PSME4: variants seen among roughly 807,000 people sequenced by gnomAD.
PSME4 encodes proteasome activator complex subunit 4.
In PSME4, 89 loss-of-function variants were observed where a neutral mutation model predicts 253.9. That is an observed-to-expected ratio of 0.35 (90% CI 0.30 to 0.42). The LOEUF is 0.42. Among genes scored for constraint, PSME4 ranks in the 10% least tolerant of loss-of-function variants. The pLI, the probability that PSME4 is intolerant of heterozygous loss-of-function variation, is 1.00. For synonymous variants in PSME4, 851 were observed against 759.2 expected (o/e 1.12, Z -1.99); for missense variants, 2,014 against 2,195.2 (o/e 0.92, Z 1.65).
At chr2:53,911,559 C>T (rs1251138869) in intron 20 of PSME4, among the ~76,000 whole-genome samples, 1 of 152,014 alleles carries the variant, frequency 6.6e-6, no homozygotes, top group African/African-American at 2.4e-5. Context: ...TCAAGAGTAA[C>T]AAGAATAAAG....
intron 1 of PSME4, among the ~76,000 whole-genome samples, chr2:53,958,833 A>G (rs1247256463): frequency 1.3e-5 from 2 of 151,756 alleles, no homozygotes; most frequent in Admixed American, 6.6e-5. Context: ...AAAAAAAAAA[A>G]GTCAGGAGCC....
intron 22 of PSME4, 98 bp downstream of exon 22, chr2:53,908,686 G>C (rs1375596411): frequency 7.0e-7 from 1 of 1,434,322 alleles, no homozygotes; most frequent in African/African-American, 1.4e-5. Flanking sequence ...TCACCATTTA[G>C]AATAAAAAAC....
Position 53,888,713 on chromosome 2 carries a change from A to C in PSME4, c.4388+8T>G. ...TGTTAACCTCATAGGTTTTTTAAAA[A>C]AATTTACCATGCATCTACAAAGGAT... On this transcript the variant is annotated splice_region_variant and intron_variant, in intron 38 of 46. Coordinates refer to ENST00000404125, the MANE Select transcript of PSME4 (RefSeq NM_014614.3). The C allele has an allele frequency of 1.9e-6, 3 of 1,597,818 alleles. No homozygotes were observed. The highest frequency in any genetic ancestry group is 2.2e-5 in the East Asian group (1 of 44,744).
intron 28 of PSME4, 93 bp downstream of exon 28, chr2:53,901,257 T>C (rs888845071): frequency 9.3e-6 from 11 of 1,176,758 alleles, no homozygotes; most frequent in Non-Finnish European, 1.3e-5. Context: ...ATGCCAAGAA[T>C]ATTATTACTG....
chr2:53,908,632 T>TAAA, intron 22 of PSME4, 67 bp from the exon 23 acceptor site: 1 of 1,522,248 alleles, frequency 6.6e-7, no homozygotes, highest in Non-Finnish European at 8.9e-7. Flanking sequence ...TCTTGAGGCA[T>TAAA]TAGTCAAGAA....
chr2:53,913,377 A>C (rs892856079), intron 20 of PSME4, among the ~76,000 whole-genome samples: 1 of 152,214 alleles, frequency 6.6e-6, no homozygotes, highest in African/African-American at 2.4e-5. Context: ...GATGCTGAAA[A>C]AGAAATAACT....
chr2:53,954,711 G>A (rs1670153816), intron 1 of PSME4, among the ~76,000 whole-genome samples: 1 of 151,818 alleles, frequency 6.6e-6, no homozygotes, highest in Non-Finnish European at 1.5e-5. Flanking sequence ...CGTAGTGGCA[G>A]GCGTCTGTAG....
intron 18 of PSME4, 97 bp from the exon 19 acceptor site, chr2:53,920,447 A>G (rs901771371): frequency 5.7e-6 from 7 of 1,224,746 alleles, no homozygotes; most frequent in Non-Finnish European, 7.8e-6. Flanking sequence ...TTAAAAGAAA[A>G]TGTACACATA....
At chr2:53,914,341 C>T (rs2104445994) in intron 20 of PSME4, among the ~76,000 whole-genome samples, 1 of 152,314 alleles carries the variant, frequency 6.6e-6, no homozygotes, top group African/African-American at 2.4e-5. Context: ...CCAACTTCCA[C>T]ATCTATAAAG....
At chr2:53,894,967 A>C in intron 34 of PSME4, 40 bp downstream of exon 34, 1 of 1,548,176 alleles carries the variant, frequency 6.5e-7, no homozygotes, top group Non-Finnish European at 8.8e-7. Context: ...AGTGGCCCAA[A>C]ACAAGATGCA....
intron 3 of PSME4, among the ~76,000 whole-genome samples, chr2:53,946,515 A>G (rs1355109595): frequency 6.6e-6 from 1 of 152,226 alleles, no homozygotes; most frequent in East Asian, 1.9e-4. Flanking sequence ...CAGTCAAACC[A>G]GTATAGGTCA....
chr2:53,921,451 T>C (rs1048526952), intron 17 of PSME4, among the ~76,000 whole-genome samples: 2 of 151,298 alleles, frequency 1.3e-5, no homozygotes, highest in African/African-American at 4.8e-5. Context: ...TTCACCATGT[T>C]GGCCAGGATG....
At chr2:53,939,746 C>T (rs1669297475) in intron 4 of PSME4, among the ~76,000 whole-genome samples, 1 of 152,148 alleles carries the variant, frequency 6.6e-6, no homozygotes, top group Non-Finnish European at 1.5e-5. Flanking sequence ...GGTATTCTTA[C>T]TTTACAATGG....
intron 41 of PSME4, 68 bp downstream of exon 41, chr2:53,885,622 A>G: frequency 8.6e-7 from 1 of 1,165,652 alleles, no homozygotes; most frequent in East Asian, 2.4e-5. Flanking sequence ...TTCAACCATC[A>G]GATGATGAAC....
rs199588790 is a variant in PSME4 at position 53,923,075 on chromosome 2, C to T, written c.1952G>A (p.Cys651Tyr). ...ESLKLFVPHC[C>Y]SVITQLTMND... ...CATTGTAAGCTGAGTTATAACACTG[C>T]AGCAGTGGGGAACAAAGAGCTTCAA... The change falls in exon 16 of 47, where the codon TGC (cysteine) becomes TAC (tyrosine). Residue 651 changes from cysteine (C) to tyrosine (Y), a missense_variant. Transcript: ENST00000404125. 11 of 1,605,702 alleles carry T rather than the reference C, an allele frequency of 6.9e-6. No homozygotes were observed. In the African/African-American group the frequency reaches 1.3e-4, roughly 20 times the overall value.
rs530642038 is a variant in PSME4 at position 53,930,030 on chromosome 2, T to TAATA, written c.1317-1731_1317-1728dup. Reference sequence around the variant, plus strand: ...AAGAGTCTGTCTCTAAATAAATAAATAATAAATAAATAAATAAATAAATAA... The same window carrying TAATA: ...AAGAGTCTGTCTCTAAATAAATAAATAATAAATAAATAAATAAATAAATAAATAA... On this transcript the variant is annotated intron_variant, in intron 10 of 46. Transcript: ENST00000404125. Among the ~76,000 whole-genome samples the TAATA allele has an allele frequency of 8.9e-3, 1,337 of 151,072 alleles. 9 individuals carry two copies. Among genetic ancestry groups the TAATA allele is most frequent in the Non-Finnish European group, 0.013 (851 of 67,750 alleles).
rs1237684523 is a variant in PSME4 at position 53,908,295 on chromosome 2, CAGACTTTT to C, written c.2784+17_2784+24del. On this transcript the variant is annotated intron_variant, in intron 24 of 46. Transcript: ENST00000404125. ...TTATACGACTTTAAAACAATTAGTGCAGACTTTTAGGTGAAAATACTGACCCGATTTTC... is the reference window on the plus strand; with the variant it reads ...TTATACGACTTTAAAACAATTAGTGCAGGTGAAAATACTGACCCGATTTTC... 6.4e-7 allele frequency: 1 copy of C among 1,558,746 alleles called. No individual in the cohort carries two copies. Among genetic ancestry groups the C allele is most frequent in the African/African-American group, 1.4e-5 (1 of 73,676 alleles).
chr2:53,914,726 C>T (rs148293710), intron 20 of PSME4, among the ~76,000 whole-genome samples: 75 of 152,124 alleles, frequency 4.9e-4, no homozygotes, highest in African/African-American at 1.8e-3. Context: ...ACTAAAAATA[C>T]AAAAATTAGC....
chr2:53,900,395 C>G (rs1015080546), intron 28 of PSME4, among the ~76,000 whole-genome samples: 45 of 149,878 alleles, frequency 3.0e-4, no homozygotes, highest in African/African-American at 1.1e-3. Context: ...CCCTGTCTCT[C>G]TCTCAAAAAA....
Sources: gnomAD v4.1 joint callset for allele counts (sites outside exome capture counted in the v4.1 genomes callset) on GRCh38, gnomAD v4.1.1 for gene constraint, MANE v1.5 for transcripts, NCBI Gene and HGNC (gene_info 2026-07-23, HGNC 2026-07-21) for gene names.